COL12A1: variants seen among roughly 807,000 people sequenced by gnomAD.
COL12A1 encodes the protein collagen type XII alpha 1 chain, also known as collagen alpha-1(XII) chain.
Under a neutral mutation model 349.7 loss-of-function variants are expected in COL12A1, and 114 were observed. The observed-to-expected ratio is 0.33, with a 90% confidence interval of 0.28 to 0.38. The LOEUF is 0.38. COL12A1 is among the 10% of genes least tolerant of loss of function. COL12A1 has a pLI of 1.00. For synonymous variants in COL12A1, 1,369 were observed against 1,329.0 expected, an observed-to-expected ratio of 1.03 and a Z score of -0.66; for missense variants, 3,284 against 3,756.9, an observed-to-expected ratio of 0.87 and a Z score of 3.29.
At chr6:75,130,797 A>C in intron 36 of COL12A1, 55 bp downstream of exon 36, 8 of 1,605,532 alleles carry the variant, frequency 5.0e-6, no homozygotes, top group Non-Finnish European at 6.8e-6. Context: ...CAATCAGAGA[A>C]GCCCTGCCAA....
intron 2 of COL12A1, 73 bp from the exon 3 acceptor site, chr6:75,195,020 G>A (rs954198101): frequency 1.2e-6 from 1 of 827,758 alleles, no homozygotes; most frequent in Non-Finnish European, 1.9e-6. Flanking sequence ...ATAAAGAATT[G>A]TGTTGAGCAA....
intron 53 of COL12A1, 72 bp downstream of exon 53, chr6:75,106,347 T>C: frequency 7.7e-7 from 1 of 1,303,586 alleles, no homozygotes; most frequent in Non-Finnish European, 1.1e-6. Context: ...TGCTACTTCC[T>C]CTCCCAGGCA....
At chr6:75,112,762 C>G (rs936721798) in intron 51 of COL12A1, among the ~76,000 whole-genome samples, 1 of 151,532 alleles carries the variant, frequency 6.6e-6, no homozygotes, top group Non-Finnish European at 1.5e-5. Flanking sequence ...CATGTTTGTA[C>G]TTTTCAATAA....
At chr6:75,110,511 T>C (rs1369439964) in intron 51 of COL12A1, among the ~76,000 whole-genome samples, 2 of 151,994 alleles carry the variant, frequency 1.3e-5, no homozygotes, top group Non-Finnish European at 2.9e-5. Context: ...CCAATCTATT[T>C]CCTAAATGAT....
At chr6:75,161,945 G>A (rs1308694473) in intron 14 of COL12A1, among the ~76,000 whole-genome samples, 1 of 152,112 alleles carries the variant, frequency 6.6e-6, no homozygotes, top group East Asian at 1.9e-4. Flanking sequence ...CAACTTACAA[G>A]GGATGTGAAG....
At chr6:75,164,838 T>TCACC (rs1768204327) in intron 14 of COL12A1, among the ~76,000 whole-genome samples, 1 of 147,442 alleles carries the variant, frequency 6.8e-6, no homozygotes, top group Admixed American at 6.6e-5. Context: ...CATAATTATT[T>TCACC]ACAAAAAAAA....
chr6:75,103,929 C>T lies in COL12A1; in HGVS notation c.8266-119G>A, dbSNP rs1768424480. On this transcript the variant is annotated intron_variant, in intron 54 of 65. Coordinates refer to ENST00000322507, the MANE Select transcript of COL12A1 (RefSeq NM_004370.6). ...ACAATTATTATTCTACAGCTGCTTG[C>T]AAAATACTGAAGCAAATATTTCATG... 9 of 612,504 alleles carry T rather than the reference C, an allele frequency of 1.5e-5. No individual in the cohort carries two copies. The East Asian group carries it at 2.9e-4, about 19-fold the overall frequency. 37.9% of individuals were successfully genotyped at this position (612,504 alleles called of 1,614,324 possible). A position where few individuals can be genotyped will look rare whatever the true frequency, so the allele number is the denominator to read the frequency against.
chr6:75,095,046 G>T, intron 60 of COL12A1, 62 bp downstream of exon 60: 1 of 1,434,502 alleles, frequency 7.0e-7, no homozygotes, highest in Non-Finnish European at 9.8e-7. Context: ...AAGCTTTGCA[G>T]TTCTCATTAT....
chr6:75,193,088 T>C (rs3777510), intron 3 of COL12A1, among the ~76,000 whole-genome samples: 126,383 of 152,078 alleles, frequency 0.83, 53,728 homozygotes, highest in Non-Finnish European at 0.93. Context: ...TTAGGAAAGA[T>C]AACAGGTGCA....
Position 75,087,636 on chromosome 6 carries a change from G to A in COL12A1, c.9122C>T (p.Pro3041Leu), listed in dbSNP as rs1767566470. The A allele has an allele frequency of 6.2e-7, 1 of 1,613,418 alleles. No individual in the cohort carries two copies. Among genetic ancestry groups the A allele is most frequent in the Non-Finnish European group, 8.5e-7 (1 of 1,179,730 alleles). ...ACACTGAGAAGAATCACAGTATCCA[G>A]GAGGACCTGGGGGTCCTCGGATACC... ...NSGIRGPPGP[P>L]GYCDSSQCAS... is the part of the protein sequence containing the mutation. The change falls in exon 65 of 66, where the codon CCT becomes CTT. Residue 3041 changes from proline to leucine, a missense_variant. Transcript: ENST00000322507.
rs1222684443 is a variant in COL12A1, at chr6:75,115,957, C to CA, written c.7559-36dup. 1.9e-6 allele frequency: 3 copies of CA among 1,612,082 alleles called. No individual in the cohort carries two copies. In the African/African-American group the frequency reaches 4.0e-5, roughly 22 times the overall value. ...AGAAAAGAAAATATTAAACGGAGTA[C>CA]ATTTTAATTATTTTATTGCTTAAAT... On this transcript the variant is annotated intron_variant, in intron 48 of 65. Transcript: ENST00000322507.
chr6:75,165,401 A>G (rs1768239697), intron 14 of COL12A1, 106 bp downstream of exon 14: 1 of 1,405,486 alleles, frequency 7.1e-7, no homozygotes, highest in Non-Finnish European at 9.6e-7. Flanking sequence ...GTCTTCATTT[A>G]TCATGTAAAG....
At chr6:75,141,660 G>A (rs556613058) in intron 27 of COL12A1, among the ~76,000 whole-genome samples, 19 of 152,268 alleles carry the variant, frequency 1.2e-4, no homozygotes, top group Non-Finnish European at 2.1e-4. Flanking sequence ...AACACTTCAC[G>A]TATAGTAAAA....
intron 37 of COL12A1, among the ~76,000 whole-genome samples, chr6:75,129,752 C>T (rs1766209981): frequency 6.6e-6 from 1 of 152,196 alleles, no homozygotes; most frequent in South Asian, 2.1e-4. Flanking sequence ...TGAATATTAA[C>T]TTAGACATTC....
intron 46 of COL12A1, 120 bp downstream of exon 46, chr6:75,118,923 C>T: frequency 7.5e-7 from 1 of 1,329,286 alleles, no homozygotes; most frequent in Non-Finnish European, 1.0e-6. Context: ...CGAAGGTATA[C>T]CGTGCAGAGT....
rs374671225 is a variant in COL12A1 at position 75,131,988 on chromosome 6, T to C, written c.5889A>G (p.Gln1963=). 3.0e-5 allele frequency: 48 copies of C among 1,614,142 alleles called. No individual in the cohort carries two copies. Among genetic ancestry groups the C allele is most frequent in the Non-Finnish European group, 4.0e-5 (47 of 1,180,000 alleles). ...RWDPAPGPVL[Q]YRVVYSPVDG... ...CCACAGGAGAATACACAACGCGATATTGCAGCACAGGTCCTGGAGCAGGGT... is the reference window on the plus strand; with the variant it reads ...CCACAGGAGAATACACAACGCGATACTGCAGCACAGGTCCTGGAGCAGGGT... The change falls in exon 35 of 66, where the codon CAA becomes CAG. Residue 1963 remains glutamine (Q), a synonymous_variant. Transcript: ENST00000322507.
Position 75,101,994 on chromosome 6 carries a change from C to G in COL12A1, c.8469+5G>C. ...CATGACAGGGCAACTTAGAGACCAA[C>G]TCACTGTTCGGCCTGGAAGTCCTGG... On this transcript the variant is annotated splice_donor_5th_base_variant and intron_variant, in intron 57 of 65. Transcript: ENST00000322507. The G allele has an allele frequency of 6.2e-7, 1 of 1,614,178 alleles. No homozygotes were observed. The highest frequency in any genetic ancestry group is 1.1e-5 in the South Asian group (1 of 91,080).
intron 3 of COL12A1, among the ~76,000 whole-genome samples, chr6:75,193,399 A>G (rs1047332329): frequency 6.6e-6 from 1 of 152,184 alleles, no homozygotes; most frequent in African/African-American, 2.4e-5. Flanking sequence ...AAAAAAAGCT[A>G]CGTTTCCTGG....
chr6:75,116,401 T>C (rs947566416), intron 47 of COL12A1, among the ~76,000 whole-genome samples: 1 of 152,100 alleles, frequency 6.6e-6, no homozygotes, highest in African/African-American at 2.4e-5. Context: ...TCTGCAAAGG[T>C]AGGAGGAGCT....
Sources: gnomAD v4.1 joint callset for allele counts (sites outside exome capture counted in the v4.1 genomes callset) on GRCh38, gnomAD v4.1.1 for gene constraint, MANE v1.5 for transcripts, NCBI Gene and HGNC (gene_info 2026-07-23, HGNC 2026-07-21) for gene names.